The following CEP250 variants were observed in gnomAD, a reference collection of about 807,000 sequenced individuals.
CEP250 encodes centrosomal protein 250.
In CEP250, 242 loss-of-function variants were observed where a neutral mutation model predicts 315.7. The observed-to-expected ratio is 0.77, with a 90% CI of 0.69 to 0.85. CEP250 has a LOEUF of 0.85. CEP250 is among the 40% of genes least tolerant of loss of function. CEP250 has a pLI of 0.00. For synonymous variants in CEP250, 1,088 were observed against 1,175.0 expected (o/e 0.93, Z 1.51); for missense variants, 2,515 against 2,886.4 (o/e 0.87, Z 2.95).
chr20:35,503,585 A>T lies in CEP250; in HGVS notation c.5216A>T (p.Glu1739Val). Residue 1739 changes from glutamate to valine, a missense_variant, in exon 30 of 35, where the codon GAA becomes GTA. Transcript: ENST00000397527. The surrounding 1 kb of genome is among the most constrained non-coding windows in gnomAD (Gnocchi z 4.2). ...CTGCGTGATAAGGAGAAGGAGGTGG[A>T]ATGTCAGCAGGAGCATATCCATGAA... is the stretch of plus-strand genomic sequence containing the variant. ...LILRDKEKEVECQQEHIHELQ... is the reference protein window; with the variant it reads ...LILRDKEKEVVCQQEHIHELQ... The T allele has an allele frequency of 6.2e-7, 1 of 1,614,116 alleles. No individual in the cohort carries two copies. Among genetic ancestry groups the T allele is most frequent in the Non-Finnish European group, 8.5e-7 (1 of 1,180,012 alleles).
chr20:35,472,540 A>G, intron 11 of CEP250, 133 bp from the exon 12 acceptor site: 1 of 890,462 alleles, frequency 1.1e-6, no homozygotes, highest in Non-Finnish European at 1.8e-6. Context: ...ATGCTCAGAT[A>G]CTCCCCTCCT....
intron 6 of CEP250, 93 bp from the exon 7 acceptor site, chr20:35,465,946 G>A: frequency 1.3e-6 from 2 of 1,553,834 alleles, no homozygotes; most frequent in Non-Finnish European, 1.8e-6. Context: ...TCCTGCAATG[G>A]AAAATTTCAG....
intron 27 of CEP250, among the ~76,000 whole-genome samples, chr20:35,499,848 A>C (rs536609073): frequency 2.3e-4 from 35 of 152,164 alleles, no homozygotes; most frequent in African/African-American, 8.4e-4. Flanking sequence ...GGATTCTCAC[A>C]CTCCATCCAA....
intron 30 of CEP250, among the ~76,000 whole-genome samples, chr20:35,506,430 C>T (rs2064186865): frequency 6.6e-6 from 1 of 152,050 alleles, no homozygotes; most frequent in Non-Finnish European, 1.5e-5. Flanking sequence ...ACCTTTGTAC[C>T]CCCGGTACTG....
chr20:35,483,223 G>A (rs1320373359), intron 20 of CEP250, among the ~76,000 whole-genome samples: 3 of 151,748 alleles, frequency 2.0e-5, no homozygotes, highest in Non-Finnish European at 4.4e-5. Flanking sequence ...GGGAGGCTGA[G>A]GCAGGAGAAT....
chr20:35,509,104 A>C, intron 33 of CEP250, 60 bp downstream of exon 33: 2 of 1,384,908 alleles, frequency 1.4e-6, no homozygotes, highest in Non-Finnish European at 2.0e-6. Context: ...CCAGAAACTC[A>C]GCCCTCCTCA....
Position 35,502,489 on chromosome 20 carries a change from G to C in CEP250, c.4120G>C (p.Ala1374Pro), listed in dbSNP as rs1283506633. ...VVEARAQASAAGILEEDLRTA... is the reference protein window; with the variant it reads ...VVEARAQASAPGILEEDLRTA... Reference sequence around the variant, plus strand: ...AGAAGCCAGGGCTCAGGCAAGTGCTGCTGGCATCCTGGAAGAAGACCTGAG... The same window carrying C: ...AGAAGCCAGGGCTCAGGCAAGTGCTCCTGGCATCCTGGAAGAAGACCTGAG... The change falls in exon 30 of 35, where the codon GCT (alanine) becomes CCT (proline). Residue 1374 changes from alanine to proline, a missense_variant. Coordinates refer to ENST00000397527, the MANE Select transcript of CEP250 (RefSeq NM_007186.6). The C allele has an allele frequency of 1.2e-6, 2 of 1,614,092 alleles. No homozygotes were observed. The highest frequency in any genetic ancestry group is 1.7e-6 in the Non-Finnish European group (2 of 1,180,040).
chr20:35,470,081 C>A, intron 10 of CEP250, 95 bp downstream of exon 10: 1 of 791,146 alleles, frequency 1.3e-6, no homozygotes, highest in Non-Finnish European at 2.1e-6. Flanking sequence ...GTTACATATT[C>A]CATGATGAAA....
Position 35,514,259 on chromosome 20 carries a change from G to A in CEP250, c.*2633G>A, listed in dbSNP as rs2064409093. On this transcript the variant is annotated 3_prime_UTR_variant, in exon 35 of 35. Coordinates refer to ENST00000397527, the MANE Select transcript of CEP250 (RefSeq NM_007186.6). ...AATCCAGCAGACGGGAGGAGTCCCT[G>A]GCAGTCCAGCCAGTTCTCGTGGATG... 1 of 152,346 alleles carries A rather than the reference G, an allele frequency of 6.6e-6. No individual in the cohort carries two copies. Among genetic ancestry groups the A allele is most frequent in the African/African-American group, 2.4e-5 (1 of 41,476 alleles). The allele number at this position is 152,346 out of a possible 1,614,324, so 9.4% of individuals were successfully genotyped here.
Position 35,508,997 on chromosome 20 carries a change from G to T in CEP250, c.6961G>T (p.Gly2321Trp). 6.4e-7 allele frequency: 1 copy of T among 1,559,320 alleles called. No individual in the cohort carries two copies. ...KREAMRAAQA[G>W]SLEISKATAS... ...GGAGGCCATGCGTGCGGCCCAGGCAGGGTCCCTAGAGATCAGCAAGGCCAC... is the reference window on the plus strand; with the variant it reads ...GGAGGCCATGCGTGCGGCCCAGGCATGGTCCCTAGAGATCAGCAAGGCCAC... Residue 2321 changes from glycine to tryptophan, a missense_variant, in exon 33 of 35, where the codon GGG becomes TGG. By Grantham distance (184) the Gly-to-Trp change is radical. Coordinates refer to ENST00000397527, the MANE Select transcript of CEP250 (RefSeq NM_007186.6).
Position 35,517,011 on chromosome 20 carries a change from C to T in CEP250, c.*5385C>T, listed in dbSNP as rs1364609034. ...GAGCACATGGCAAGTGGCATGCTGA[C>T]TCAGACACCGGGCACTGAGAAAAGT... is the stretch of plus-strand genomic sequence containing the variant. On this transcript the variant is annotated 3_prime_UTR_variant, in exon 35 of 35. Transcript: ENST00000397527. 1.0e-6 allele frequency: 1 copy of T among 985,464 alleles called. No individual in the cohort carries two copies. Among genetic ancestry groups the T allele is most frequent in the African/African-American group, 1.7e-5 (1 of 57,228 alleles). The allele number at this position is 985,464 out of a possible 1,614,324, so 61.0% of individuals were successfully genotyped here.
intron 32 of CEP250, among the ~76,000 whole-genome samples, 186 bp downstream of exon 32, chr20:35,508,376 A>G (rs1015746875): frequency 2.0e-5 from 3 of 151,446 alleles, no homozygotes; most frequent in Admixed American, 2.0e-4. Context: ...GTGGAATGGT[A>G]CGATCTCCGC....
intron 3 of CEP250, among the ~76,000 whole-genome samples, chr20:35,460,559 G>A (rs1438041359): frequency 6.6e-6 from 1 of 152,224 alleles, no homozygotes; most frequent in Non-Finnish European, 1.5e-5. Flanking sequence ...CTGTTCAACT[G>A]CACGGAGCGC....
intron 15 of CEP250, among the ~76,000 whole-genome samples, 155 bp downstream of exon 15, chr20:35,475,801 T>C (rs1469711016): frequency 1.3e-5 from 2 of 152,210 alleles, no homozygotes; most frequent in Admixed American, 6.5e-5. Context: ...ACCCTCTATA[T>C]TGGAATTAGA....
intron 20 of CEP250, among the ~76,000 whole-genome samples, chr20:35,487,006 G>A (rs933800500): frequency 6.6e-6 from 1 of 152,162 alleles, no homozygotes; most frequent in Non-Finnish European, 1.5e-5. Context: ...TCATGAAAGG[G>A]CCTTTTCTCT....
intron 26 of CEP250, 124 bp downstream of exon 26, chr20:35,498,191 A>G (rs2063899443): frequency 1.3e-6 from 1 of 785,464 alleles, no homozygotes; most frequent in Non-Finnish European, 1.9e-6. Flanking sequence ...ATACTTGGGA[A>G]TTAATTCTGA....
intron 30 of CEP250, among the ~76,000 whole-genome samples, chr20:35,505,672 T>C (rs1286930490): frequency 1.0e-5 from 1 of 96,854 alleles, no homozygotes; most frequent in Admixed American, 1.1e-4. Context: ...AAAAAAAAAA[T>C]AGACGTGAAG....
At position 35,502,865 on chromosome 20, in the gene CEP250, G is replaced by A. The variant is rs756362141; in HGVS notation, c.4496G>A (p.Arg1499Gln). Residue 1499 changes from arginine to glutamine, a missense_variant, in exon 30 of 35, where the codon CGA becomes CAA. By Grantham distance (43) the Arg-to-Gln change is conservative (BLOSUM62 1). Transcript: ENST00000397527. ...CATCTGCCCATGGCCGTCCAGGAGCGAGAGCAGAAGCTGACTGTGCAGAGG... is the reference window on the plus strand; with the variant it reads ...CATCTGCCCATGGCCGTCCAGGAGCAAGAGCAGAAGCTGACTGTGCAGAGG... ...LEHLPMAVQE[R>Q]EQKLTVQREQ... The A allele has an allele frequency of 5.0e-6, 8 of 1,614,244 alleles. No individual in the cohort carries two copies. The highest frequency in any genetic ancestry group is 2.2e-5 in the South Asian group (2 of 91,084).
rs867451497 is a variant in CEP250, at chr20:35,485,064, T to A, written c.2586+4919T>A. ...GCAACATAGCAAGACCCTATCTCTT[T>A]AAAAAAAAAAAAAAAAAAAAGGTAA... On this transcript the variant is annotated intron_variant, in intron 20 of 34. Coordinates refer to ENST00000397527, the MANE Select transcript of CEP250 (RefSeq NM_007186.6). 1.7e-4 allele frequency among the ~76,000 whole-genome samples: 22 copies of A among 129,228 alleles called. 1 individual carries two copies. Among genetic ancestry groups the A allele is most frequent in the Admixed American group, 7.9e-4 (10 of 12,696 alleles). The allele number at this position is 129,228 out of a possible 152,430, so 84.8% of individuals were successfully genotyped here.
Sources: gnomAD v4.1 joint callset for allele counts (sites outside exome capture counted in the v4.1 genomes callset) on GRCh38, gnomAD v4.1.1 for gene constraint, Gnocchi (gnomAD v3.1) non-coding constraint, MANE v1.5 for transcripts, NCBI Gene and HGNC (gene_info 2026-07-23, HGNC 2026-07-21) for gene names.